Variants in MROH1 observed in about 807,000 individuals in gnomAD.
MROH1 encodes the protein maestro heat-like repeat-containing protein family member 1.
MROH1 carries 117 observed loss-of-function variants against 116.5 expected under a neutral mutation model. The observed-to-expected ratio is 1.00, with a 90% CI of 0.86 to 1.17. MROH1 has a LOEUF of 1.17. MROH1 is among the 50% of genes most tolerant of loss of function. The pLI is 0.00. For missense variants in MROH1, 1,873 were observed against 1,338.5 expected, an observed-to-expected ratio of 1.40 and a Z score of -6.23; for synonymous variants, 921 against 583.9, an observed-to-expected ratio of 1.58 and a Z score of -8.32.
chr8:144,244,150 G>A, intron 26 of MROH1, 72 bp from the exon 27 acceptor site: 1 of 708,652 alleles, frequency 1.4e-6, no homozygotes, highest in Admixed American at 2.0e-5. Flanking sequence ...TGCCCACACA[G>A]GCCTGGAGGT....
rs1433381128 is a variant in MROH1 at position 144,239,075 on chromosome 8, G to A, written c.1487G>A (p.Arg496His). Residue 496 changes from arginine (R) to histidine (H), a missense_variant, in exon 16 of 44, where the codon CGC (arginine) becomes CAC (histidine). Transcript: ENST00000326134. ...PYLLQFLTPV[R>H]FTGALTPLCR... The stretch of plus-strand genomic sequence containing the variant: ...CTGCTCCAGTTCCTCACCCCTGTGC[G>A]CTTCACTGGGGCCCTGACTCCGCTC... 4.6e-5 allele frequency: 36 copies of A among 777,576 alleles called. No homozygotes were observed. The highest frequency in any genetic ancestry group is 2.9e-4 in the South Asian group (22 of 74,590). 48.2% of individuals were successfully genotyped at this position (777,576 alleles called of 1,614,324 possible).
At position 144,180,880 on chromosome 8, in the gene MROH1, A is replaced by G. The variant is rs2131343667; in HGVS notation, c.562+357A>G. On this transcript the variant is annotated intron_variant, in intron 7 of 43. Coordinates refer to ENST00000326134, the MANE Select transcript of MROH1 (RefSeq NM_032450.3). This position sits in a 1 kb window ranked among gnomAD's most constrained non-coding sequence, Gnocchi z 7.4. ...CCGCTCTCTGGGCATCCCAGGACCC[A>G]GGGGATGGGGGCACATTCATTCACC... is the stretch of plus-strand genomic sequence containing the variant. Among the ~76,000 whole-genome samples the G allele has an allele frequency of 6.6e-6, 1 of 152,234 alleles. No homozygotes were observed. The highest frequency in any genetic ancestry group is 2.4e-5 in the African/African-American group (1 of 41,534).
intron 39 of MROH1, 74 bp downstream of exon 39, chr8:144,260,448 G>T (rs1351781844): frequency 5.7e-6 from 4 of 699,132 alleles, no homozygotes; most frequent in Non-Finnish European, 1.0e-5. Context: ...TTTAGCCCCA[G>T]CCCCACCCTC....
chr8:144,180,074 T>A lies in MROH1; in HGVS notation c.301-104T>A. 7.0e-7 allele frequency: 1 copy of A among 1,434,778 alleles called. No individual in the cohort carries two copies. The highest frequency in any genetic ancestry group is 9.6e-7 in the Non-Finnish European group (1 of 1,038,732). 88.9% of individuals were successfully genotyped at this position (1,434,778 alleles called of 1,614,324 possible). ...GCCACCTTCCCTGACCTGCACTTTC[T>A]GGGGACGCTGAAAACAGCGTGCGCT... is the stretch of plus-strand genomic sequence containing the variant. On this transcript the variant is annotated intron_variant, in intron 5 of 43. Transcript: ENST00000326134. This position sits in a 1 kb window ranked among gnomAD's most constrained non-coding sequence, Gnocchi z 7.4.
intron 12 of MROH1, among the ~76,000 whole-genome samples, chr8:144,206,794 A>G (rs1832917434): frequency 6.6e-6 from 1 of 150,690 alleles, no homozygotes; most frequent in South Asian, 2.1e-4. Context: ...GAACTTTGCG[A>G]GGCCGAGGCA....
intron 14 of MROH1, among the ~76,000 whole-genome samples, chr8:144,224,771 G>A (rs532765210): frequency 6.6e-6 from 1 of 152,330 alleles, no homozygotes; most frequent in African/African-American, 2.4e-5. Flanking sequence ...ACACTGTAGA[G>A]GGGGTGAGCG....
chr8:144,171,111 AC>A (rs1382790139), intron 4 of MROH1, among the ~76,000 whole-genome samples: 1 of 152,146 alleles, frequency 6.6e-6, no homozygotes, highest in East Asian at 1.9e-4. Flanking sequence ...AACACCATCC[AC>A]CTGGAGGTCG....
chr8:144,178,038 C>T (rs1030123453), intron 4 of MROH1, among the ~76,000 whole-genome samples: 5 of 151,428 alleles, frequency 3.3e-5, no homozygotes, highest in Admixed American at 3.3e-4. Context: ...CGGCTCACTG[C>T]AACCTCCACC....
At chr8:144,192,226 C>A in intron 9 of MROH1, 83 bp from the exon 10 acceptor site, 1 of 1,232,438 alleles carries the variant, frequency 8.1e-7, no homozygotes, top group Non-Finnish European at 1.1e-6. Flanking sequence ...TTCCTGTGGC[C>A]CAACTGGGAG....
At chr8:144,166,938 G>T (rs1019782957) in intron 3 of MROH1, among the ~76,000 whole-genome samples, 3 of 152,212 alleles carry the variant, frequency 2.0e-5, no homozygotes, top group African/African-American at 7.2e-5. Flanking sequence ...CATTGATTTG[G>T]ATCAGCCTGT....
In MROH1 at chr8:144,191,719, G is replaced by A. The variant is rs767904649; in HGVS notation, c.719G>A (p.Arg240His). 17 of 1,612,540 alleles carry A rather than the reference G, an allele frequency of 1.1e-5. No individual in the cohort carries two copies. The highest frequency in any genetic ancestry group is 8.8e-5 in the South Asian group (8 of 90,868). The change falls in exon 9 of 44, where the codon CGT becomes CAT. Residue 240 changes from arginine (R) to histidine (H), a missense_variant. Arg to His is a conservative substitution (Grantham distance 29, BLOSUM62 0). Coordinates refer to ENST00000326134, the MANE Select transcript of MROH1 (RefSeq NM_032450.3). Reference sequence around the variant, plus strand: ...CCGCCCACTGTCCCCTCTCAGCTCCGTCTTGCCGTGGTGGAGGCTCTGGGG... The same window carrying A: ...CCGCCCACTGTCCCCTCTCAGCTCCATCTTGCCGTGGTGGAGGCTCTGGGG... ...QWLQSREAKL[R>H]LAVVEALGPM...
At position 144,182,980 on chromosome 8, in the gene MROH1, A is replaced by T. The variant is rs751722663; in HGVS notation, c.562+2457A>T. ...TGTAATCCCTGATACTGTGGATGAG[A>T]CAGGAGGATTGCTTGAACCTCGGAG... On this transcript the variant is annotated intron_variant, in intron 7 of 43. Coordinates refer to ENST00000326134, the MANE Select transcript of MROH1 (RefSeq NM_032450.3). This position sits in a 1 kb window ranked among gnomAD's most constrained non-coding sequence, Gnocchi z 4.1. 1.3e-5 allele frequency among the ~76,000 whole-genome samples: 2 copies of T among 152,188 alleles called. No individual in the cohort carries two copies. Among genetic ancestry groups the T allele is most frequent in the Non-Finnish European group, 2.9e-5 (2 of 68,020 alleles).
At chr8:144,226,763 A>G (rs1418096181) in intron 14 of MROH1, among the ~76,000 whole-genome samples, 2 of 152,158 alleles carry the variant, frequency 1.3e-5, no homozygotes. Flanking sequence ...GCTTTATAGT[A>G]AGTTCTGGAG....
rs1359899645 is a variant in MROH1, at chr8:144,253,124, A to C, written c.3429-1689A>C. On this transcript the variant is annotated intron_variant, in intron 33 of 43. Coordinates refer to ENST00000326134, the MANE Select transcript of MROH1 (RefSeq NM_032450.3). ...AGCTGAGATCGCGCCGTTGCACTCCAGCCTGGGCAACAGAGCAAGACTCTG... is the reference window on the plus strand; with the variant it reads ...AGCTGAGATCGCGCCGTTGCACTCCCGCCTGGGCAACAGAGCAAGACTCTG... Among the ~76,000 whole-genome samples, 12 of 151,924 alleles carry C rather than the reference A, an allele frequency of 7.9e-5. 2 individuals carry two copies. The highest frequency in any genetic ancestry group is 2.9e-4 in the African/African-American group (12 of 41,416).
chr8:144,166,069 T>C (rs1820759119), intron 3 of MROH1, among the ~76,000 whole-genome samples: 1 of 151,418 alleles, frequency 6.6e-6, no homozygotes, highest in Non-Finnish European at 1.5e-5. Flanking sequence ...AGTAGAGATA[T>C]GGTTTCACCA....
intron 11 of MROH1, among the ~76,000 whole-genome samples, chr8:144,200,185 G>A (rs966878986): frequency 7.2e-5 from 11 of 152,148 alleles, no homozygotes; most frequent in Admixed American, 2.6e-4. Context: ...TGCTGGGTTG[G>A]CCAAGATCTA....
At position 144,202,602 on chromosome 8, in the gene MROH1, AGC is replaced by A. The variant is rs1450328915; in HGVS notation, c.1141+2064_1141+2065del. ...CCCTCTGTGGGGGGGAAAGGAGGGAAGCGCAGGCTCTCTGTGGAGGGGTGGGG... is the reference window on the plus strand; with the variant it reads ...CCCTCTGTGGGGGGGAAAGGAGGGAAGCAGGCTCTCTGTGGAGGGGTGGGG... On this transcript the variant is annotated intron_variant, in intron 12 of 43. Coordinates refer to ENST00000326134, the MANE Select transcript of MROH1 (RefSeq NM_032450.3). Among the ~76,000 whole-genome samples the A allele has an allele frequency of 4.3e-4, 9 of 21,102 alleles. 1 individual carries two copies. Among genetic ancestry groups the A allele is most frequent in the Admixed American group, 2.7e-3 (4 of 1,458 alleles). The allele number at this position is 21,102 out of a possible 152,430, so 13.8% of individuals were successfully genotyped here.
chr8:144,191,893 C>T, intron 9 of MROH1, 38 bp downstream of exon 9: 1 of 1,610,452 alleles, frequency 6.2e-7, no homozygotes, highest in South Asian at 1.1e-5. Flanking sequence ...TCCCCGAGGA[C>T]CCCTCCAATC....
chr8:144,258,673 G>C (rs1844387273), intron 35 of MROH1, 104 bp from the exon 36 acceptor site: 2 of 696,420 alleles, frequency 2.9e-6, no homozygotes, highest in Non-Finnish European at 2.6e-6. Context: ...GATAGGGCTA[G>C]CCACCAGGTG....
Sources: gnomAD v4.1 joint callset for allele counts (sites outside exome capture counted in the v4.1 genomes callset) on GRCh38, gnomAD v4.1.1 for gene constraint, Gnocchi (gnomAD v3.1) non-coding constraint, MANE v1.5 for transcripts, NCBI Gene and HGNC (gene_info 2026-07-23, HGNC 2026-07-21) for gene names.